The following PUDP variants were observed in gnomAD, a reference collection of about 807,000 sequenced individuals.
The protein encoded by PUDP is pseudouridine-5'-phosphatase.
PUDP carries 8 observed loss-of-function variants against 9.4 expected under a neutral mutation model. That is an observed-to-expected ratio of 0.85 (90% CI 0.50 to 1.53). The LOEUF (loss-of-function observed/expected upper bound fraction) is 1.53. Ranked by LOEUF, PUDP falls within the 40% of genes most tolerant of loss-of-function variation. The probability of loss-of-function intolerance (pLI) is 0.00; values close to 1 mark genes in which losing one functional copy is unlikely to be tolerated. For synonymous variants in PUDP, 99 were observed against 80.7 expected (o/e 1.23, Z -1.22); for missense variants, 188 against 189.7 (o/e 0.99, Z 0.05).
intron 2 of PUDP, among the ~76,000 whole-genome samples, chrX:7,102,679 T>G (rs1334232950): frequency 5.6e-5 from 6 of 106,862 alleles, no homozygotes; most frequent in African/African-American, 2.1e-4. Flanking sequence ...TATATAGAAA[T>G]CACTACAATT....
intron 3 of PUDP, among the ~76,000 whole-genome samples, chrX:6,917,574 C>G (rs901075277): frequency 1.9e-4 from 21 of 111,478 alleles, no homozygotes; most frequent in African/African-American, 6.2e-4. Flanking sequence ...AGGGCCGACA[C>G]ATGATGAAAC....
At chrX:6,790,088 C>T (rs1489183545) in intron 3 of PUDP, among the ~76,000 whole-genome samples, 2 of 110,449 alleles carry the variant, frequency 1.8e-5, no homozygotes, top group Non-Finnish European at 3.8e-5. Flanking sequence ...GATATATAGA[C>T]AGATGATAGA....
intron 1 of PUDP, among the ~76,000 whole-genome samples, chrX:7,014,530 C>T (rs1334346769): frequency 9.0e-6 from 1 of 111,440 alleles, no homozygotes; most frequent in Non-Finnish European, 1.9e-5. Context: ...GGCGAATCTT[C>T]AAATGTAGCA....
chrX:6,791,406 A>G (rs984129836), intron 3 of PUDP, among the ~76,000 whole-genome samples: 19 of 111,329 alleles, frequency 1.7e-4, no homozygotes, highest in African/African-American at 6.2e-4. Context: ...ATGGTCCCTT[A>G]AAGATGCCCA....
intron 3 of PUDP, among the ~76,000 whole-genome samples, chrX:6,963,868 T>C (rs1178568861): frequency 1.8e-5 from 2 of 112,409 alleles, no homozygotes; most frequent in African/African-American, 3.2e-5. Flanking sequence ...TAAAGAAACA[T>C]ACAGGTTCTA....
At chrX:6,756,938 G>T (rs1925175145) in intron 3 of PUDP, among the ~76,000 whole-genome samples, 1 of 112,245 alleles carries the variant, frequency 8.9e-6, no homozygotes, top group South Asian at 3.7e-4. Flanking sequence ...CAAGTGGGAA[G>T]ATTTGTAGAT....
chrX:7,128,105 G>C (rs1932527504), intron 1 of PUDP, among the ~76,000 whole-genome samples: 1 of 111,494 alleles, frequency 9.0e-6, no homozygotes, highest in Non-Finnish European at 1.9e-5. Flanking sequence ...GCAGTGGTAT[G>C]ATCTTGGCTC....
intron 1 of PUDP, among the ~76,000 whole-genome samples, chrX:7,002,340 A>G (rs1929338087): frequency 8.9e-6 from 1 of 112,208 alleles, no homozygotes; most frequent in Non-Finnish European, 1.9e-5. Context: ...GCAAAATTGC[A>G]TATGGTGGGT....
At chrX:6,713,842 G>A (rs967750355) in intron 1 of PUDP, among the ~76,000 whole-genome samples, 7 of 110,859 alleles carry the variant, frequency 6.3e-5, no homozygotes, top group Non-Finnish European at 1.9e-5. Context: ...GAGGGAACAG[G>A]TCCCATTTTA....
At chrX:6,948,267 T>TA (rs772763526) in intron 3 of PUDP, among the ~76,000 whole-genome samples, 1 of 111,680 alleles carries the variant, frequency 9.0e-6, no homozygotes, top group Non-Finnish European at 1.9e-5. Flanking sequence ...CAATCACTCT[T>TA]TAAATAAGTG....
At chrX:7,112,375 CG>C (rs1309852118) in intron 1 of PUDP, among the ~76,000 whole-genome samples, 2 of 111,969 alleles carry the variant, frequency 1.8e-5, no homozygotes, top group Non-Finnish European at 3.8e-5. Flanking sequence ...TTTTGGGTAA[CG>C]GATTATGAAC....
rs148527555 is a variant in PUDP at position 7,135,474 on chromosome X, G to A, written c.61+12579C>T. 7.7e-3 allele frequency among the ~76,000 whole-genome samples: 859 copies of A among 111,956 alleles called. 14 individuals are homozygous for A. Among genetic ancestry groups the A allele is most frequent in the African/African-American group, 0.027 (819 of 30,823 alleles). On this transcript the variant is annotated intron_variant, in intron 1 of 3. Coordinates refer to ENST00000381077, the MANE Select transcript of PUDP (RefSeq NM_012080.5). ...AAATCTCCTGCACTATGAGAGAGAC[G>A]AGGAACTGAAAAATGAGCACTAGGA...
At chrX:7,147,939 C>T (rs1299139120) in intron 1 of PUDP, 114 bp downstream of exon 1, 1 of 589,274 alleles carries the variant, frequency 1.7e-6, no homozygotes, top group African/African-American at 2.4e-5. Context: ...CCCGAGCGTC[C>T]CTGCATGAAC....
At chrX:6,936,850 G>C (rs1340814056) in intron 3 of PUDP, among the ~76,000 whole-genome samples, 1 of 99,036 alleles carries the variant, frequency 1.0e-5, no homozygotes, top group Non-Finnish European at 2.0e-5. Flanking sequence ...AACAGACAGA[G>C]AGCCAAATCA....
chrX:6,990,399 C>G (rs377537582), intron 1 of PUDP, among the ~76,000 whole-genome samples: 6 of 111,928 alleles, frequency 5.4e-5, no homozygotes, highest in Non-Finnish European at 1.9e-5. Context: ...AGGGCCATGT[C>G]TTTTCTTGGG....
Position 6,909,257 on chromosome X carries a change from TA to T in PUDP, c.*247+67875del, listed in dbSNP as rs1035241673. ...TAGTTTGAAGCTTGTAATATGGTATTAAAAAAAAGAACAAAGCTGAAACATA... is the reference window on the plus strand; with the variant it reads ...TAGTTTGAAGCTTGTAATATGGTATTAAAAAAAGAACAAAGCTGAAACATA... On this transcript the variant is annotated intron_variant and NMD_transcript_variant, in intron 3 of 3. Transcript: ENST00000655425. 1.2e-4 allele frequency among the ~76,000 whole-genome samples: 13 copies of T among 111,676 alleles called. No homozygotes were observed. In the East Asian group the frequency reaches 2.2e-3, roughly 19 times the overall value.
At chrX:7,044,344 A>G (rs1386996910), downstream of PUDP, among the ~76,000 whole-genome samples, 1 of 112,401 alleles carries the variant, frequency 8.9e-6, no homozygotes, top group African/African-American at 3.2e-5. Flanking sequence ...TAGCATGGGT[A>G]GATGTTCAAA....
chrX:7,008,110 C>T (rs1229781348), intron 1 of PUDP, among the ~76,000 whole-genome samples: 2 of 109,557 alleles, frequency 1.8e-5, no homozygotes, highest in Non-Finnish European at 1.9e-5. Context: ...ACTACAGGCA[C>T]CCACCACCAC....
chrX:7,081,521 TAAAC>T (rs1334627946), intron 2 of PUDP, among the ~76,000 whole-genome samples: 5 of 112,649 alleles, frequency 4.4e-5, no homozygotes, highest in Non-Finnish European at 7.5e-5. Flanking sequence ...GTGGAGTAGA[TAAAC>T]AAACACACAC....
Sources: gnomAD v4.1 joint callset for allele counts (sites outside exome capture counted in the v4.1 genomes callset) on GRCh38, gnomAD v4.1.1 for gene constraint, MANE v1.5 for transcripts, NCBI Gene and HGNC (gene_info 2026-07-23, HGNC 2026-07-21) for gene names.